Variants in RFFL observed in about 807,000 individuals in gnomAD.
RFFL encodes the protein E3 ubiquitin-protein ligase rififylin.
In RFFL, 16 loss-of-function variants were observed where a neutral mutation model predicts 40.4. The ratio of observed to expected loss-of-function variants is 0.40; its 90% CI spans 0.27 to 0.60. RFFL has a LOEUF of 0.60. Among genes scored for constraint, RFFL ranks in the 20% least tolerant of loss-of-function variants. RFFL has a pLI of 0.47. For synonymous variants in RFFL, 154 were observed against 167.9 expected (o/e 0.92, Z 0.64); for missense variants, 367 against 451.7 (o/e 0.81, Z 1.70).
At chr17:35,060,777 G>A (rs1412771093) in intron 1 of RFFL, among the ~76,000 whole-genome samples, 4 of 152,110 alleles carry the variant, frequency 2.6e-5, no homozygotes, top group Admixed American at 1.3e-4. Flanking sequence ...AAAGAATAAC[G>A]GTTTGAGCCC....
Position 35,014,771 on chromosome 17 carries a change from G to A in RFFL, c.887-8C>T. On this transcript the variant is annotated splice_polypyrimidine_tract_variant and splice_region_variant and intron_variant, in intron 5 of 6. Coordinates refer to ENST00000394597, the MANE Select transcript of RFFL (RefSeq NM_001017368.2). ...GGTCTTCGGCACCACTGACTGAAAA[G>A]GAAAGAGAAGGATGTCTGAATAGGT... The A allele has an allele frequency of 6.2e-7, 1 of 1,612,792 alleles. No homozygotes were observed.
chr17:35,058,510 C>T (rs1312886050), intron 1 of RFFL, among the ~76,000 whole-genome samples: 1 of 152,170 alleles, frequency 6.6e-6, no homozygotes, highest in Non-Finnish European at 1.5e-5. Flanking sequence ...CGGTGGCTCA[C>T]GCCTGTAATC....
intron 3 of RFFL, among the ~76,000 whole-genome samples, 189 bp from the exon 4 acceptor site, chr17:35,017,795 A>C (rs994250634): frequency 6.6e-6 from 1 of 152,208 alleles, no homozygotes; most frequent in African/African-American, 2.4e-5. Context: ...AACAACAAAA[A>C]TACATTTCAA....
Position 35,014,734 on chromosome 17 carries a change from ACATACCGTTTTGGT to A in RFFL, c.902_910+5del. On this transcript the variant is annotated splice_donor_variant and splice_donor_5th_base_variant and coding_sequence_variant and intron_variant, in exon 6 of 7. Coordinates refer to ENST00000394597, the MANE Select transcript of RFFL (RefSeq NM_001017368.2). LOFTEE classifies it high-confidence loss of function. Reference sequence around the variant, plus strand: ...AGCCCATTCCCAAACAGAAACAACTACATACCGTTTTGGTCTTCGGCACCACTGACTGAAAAGGA... The same window carrying A: ...AGCCCATTCCCAAACAGAAACAACTACTTCGGCACCACTGACTGAAAAGGA... The A allele has an allele frequency of 2.5e-6, 4 of 1,613,376 alleles. No homozygotes were observed. Among genetic ancestry groups the A allele is most frequent in the Non-Finnish European group, 3.4e-6 (4 of 1,179,280 alleles).
At chr17:35,070,786 C>G (rs780458042) in intron 1 of RFFL, among the ~76,000 whole-genome samples, 1 of 152,178 alleles carries the variant, frequency 6.6e-6, no homozygotes, top group African/African-American at 2.4e-5. Flanking sequence ...GAGGCAGATT[C>G]ATTCAGAGAG....
intron 1 of RFFL, among the ~76,000 whole-genome samples, chr17:35,061,198 T>G (rs906094503): frequency 6.6e-6 from 1 of 152,098 alleles, no homozygotes; most frequent in Non-Finnish European, 1.5e-5. Flanking sequence ...ATGAAAAGAT[T>G]AGATGTGGAC....
At chr17:35,026,026 A>G (rs1420731272) in intron 2 of RFFL, among the ~76,000 whole-genome samples, 2 of 152,218 alleles carry the variant, frequency 1.3e-5, no homozygotes, top group Non-Finnish European at 2.9e-5. Context: ...GGCACCTTTC[A>G]TGGCTTTCTT....
chr17:35,061,414 T>C (rs1266216665), intron 1 of RFFL, among the ~76,000 whole-genome samples: 1 of 152,222 alleles, frequency 6.6e-6, no homozygotes, highest in South Asian at 2.1e-4. Flanking sequence ...GCCTTCTCTC[T>C]GATGGTGCCT....
chr17:35,065,331 G>A (rs1284399783), upstream of RFFL, among the ~76,000 whole-genome samples: 2 of 152,064 alleles, frequency 1.3e-5, no homozygotes, highest in Admixed American at 1.3e-4. Flanking sequence ...CGAGGTGGGC[G>A]GATCACCTGA....
At chr17:35,077,745 A>G (rs2091384212) in intron 1 of RFFL, among the ~76,000 whole-genome samples, 2 of 152,196 alleles carry the variant, frequency 1.3e-5, no homozygotes, top group South Asian at 4.1e-4. Flanking sequence ...CGGGCCCAAC[A>G]CAAATTCATA....
chr17:35,025,657 A>C (rs1046542682), intron 2 of RFFL, among the ~76,000 whole-genome samples: 1 of 152,238 alleles, frequency 6.6e-6, no homozygotes, highest in African/African-American at 2.4e-5. Flanking sequence ...CTCATTCTGC[A>C]GAAAAATGCA....
upstream of RFFL, among the ~76,000 whole-genome samples, chr17:35,066,408 A>G (rs189953634): frequency 2.0e-5 from 3 of 152,348 alleles, no homozygotes; most frequent in East Asian, 5.8e-4. Flanking sequence ...TTCCAAATCC[A>G]CAGAAAATTA....
chr17:35,053,751 C>T (rs955744858), intron 1 of RFFL, among the ~76,000 whole-genome samples: 6 of 152,346 alleles, frequency 3.9e-5, no homozygotes, highest in South Asian at 2.1e-4. Context: ...TTCTCCCCCA[C>T]AAACCATTCT....
At chr17:35,051,426 C>CGTCTA (rs2142357276) in intron 1 of RFFL, among the ~76,000 whole-genome samples, 1 of 152,310 alleles carries the variant, frequency 6.6e-6, no homozygotes, top group Non-Finnish European at 1.5e-5. Context: ...GTACCCTAGA[C>CGTCTA]CTTCAACAAG....
chr17:35,065,324 G>C (rs2091314716), upstream of RFFL, among the ~76,000 whole-genome samples: 2 of 152,252 alleles, frequency 1.3e-5, no homozygotes, highest in South Asian at 4.1e-4. Context: ...GGAAGGCCGA[G>C]GTGGGCGGAT....
intron 1 of RFFL, among the ~76,000 whole-genome samples, chr17:35,031,932 A>G (rs2091086323): frequency 6.6e-6 from 1 of 151,798 alleles, no homozygotes; most frequent in African/African-American, 2.4e-5. Flanking sequence ...CGTCTCTACT[A>G]AAAATACAAA....
At chr17:35,033,400 C>T (rs1379103706) in intron 1 of RFFL, among the ~76,000 whole-genome samples, 7 of 151,732 alleles carry the variant, frequency 4.6e-5, no homozygotes, top group Non-Finnish European at 8.8e-5. Flanking sequence ...TGGTAGCACG[C>T]GCCTGTAATC....
intron 1 of RFFL, among the ~76,000 whole-genome samples, chr17:35,029,815 A>G (rs1416671383): frequency 6.7e-6 from 1 of 149,522 alleles, no homozygotes; most frequent in African/African-American, 2.5e-5. Context: ...AGCATTAGGT[A>G]TATCTCCTAA....
chr17:35,054,480 GAAC>G lies in RFFL; in HGVS notation c.-9+9093_-9+9095del, dbSNP rs547698036. 3.9e-4 allele frequency among the ~76,000 whole-genome samples: 59 copies of G among 152,196 alleles called. No homozygotes were observed. The South Asian group carries it at 0.011, about 29-fold the overall frequency. On this transcript the variant is annotated intron_variant, in intron 1 of 6. Coordinates refer to ENST00000394597, the MANE Select transcript of RFFL (RefSeq NM_001017368.2). ...ATGAAAATCCAATCATTACACTTATGAACAACAAAATAATCCCCTTTCTAATTT... is the reference window on the plus strand; with the variant it reads ...ATGAAAATCCAATCATTACACTTATGAACAAAATAATCCCCTTTCTAATTT...
Sources: allele counts gnomAD v4.1 joint callset (sites outside exome capture counted in the v4.1 genomes callset), GRCh38; gene constraint gnomAD v4.1.1; transcripts MANE v1.5; gene names NCBI Gene and HGNC (gene_info 2026-07-23, HGNC 2026-07-21).